TMEM131: variants seen among roughly 807,000 people sequenced by gnomAD.
TMEM131 encodes the protein transmembrane protein 131, also known as 2610524E03Rik.
A neutral mutation model predicts 211.6 loss-of-function variants in TMEM131; 66 were observed. The observed-to-expected ratio is 0.31, with a 90% confidence interval of 0.26 to 0.38. TMEM131 has a LOEUF of 0.38. Among genes scored for constraint, TMEM131 ranks in the 10% least tolerant of loss-of-function variants. The pLI is 1.00. For synonymous variants in TMEM131, 844 were observed against 841.3 expected, an observed-to-expected ratio of 1.00 and a Z score of -0.06; for missense variants, 2,036 against 2,299.3, an observed-to-expected ratio of 0.89 and a Z score of 2.34.
At chr2:97,976,520 T>C (rs1679543261) in intron 1 of TMEM131, among the ~76,000 whole-genome samples, 1 of 152,166 alleles carries the variant, frequency 6.6e-6, no homozygotes, top group Admixed American at 6.5e-5. Context: ...CCTAAATAAA[T>C]GGTGAAAATA....
chr2:97,932,240 A>G (rs1677256151), intron 1 of TMEM131, among the ~76,000 whole-genome samples: 1 of 152,150 alleles, frequency 6.6e-6, no homozygotes, highest in Admixed American at 6.5e-5. Flanking sequence ...ATTTTGTTTC[A>G]ACAAAGGGCT....
chr2:97,885,455 T>C (rs1250620248), intron 4 of TMEM131, among the ~76,000 whole-genome samples: 1 of 147,924 alleles, frequency 6.8e-6, no homozygotes, highest in Non-Finnish European at 1.5e-5. Flanking sequence ...CCCAAAGTGC[T>C]GGGATTACAG....
chr2:97,979,342 T>C (rs570258045), intron 1 of TMEM131, among the ~76,000 whole-genome samples: 1 of 152,330 alleles, frequency 6.6e-6, no homozygotes, highest in East Asian at 1.9e-4. Context: ...CTTCGAAGCT[T>C]TGACGCTAGG....
intron 31 of TMEM131, among the ~76,000 whole-genome samples, chr2:97,786,715 G>A (rs1407218545): frequency 6.6e-6 from 1 of 152,192 alleles, no homozygotes; most frequent in Non-Finnish European, 1.5e-5. Flanking sequence ...GTGACTGAGT[G>A]TTCATCTGAG....
intron 31 of TMEM131, among the ~76,000 whole-genome samples, chr2:97,789,256 T>G (rs1680390663): frequency 6.6e-6 from 1 of 152,258 alleles, no homozygotes; most frequent in Admixed American, 6.5e-5. Context: ...ATGCTGTCTG[T>G]CATGCTATCT....
intron 1 of TMEM131, among the ~76,000 whole-genome samples, chr2:97,931,412 A>G (rs941638147): frequency 1.3e-5 from 2 of 152,212 alleles, no homozygotes; most frequent in Non-Finnish European, 2.9e-5. Context: ...TATTTCATTT[A>G]GTTAAGATTA....
At position 97,995,465 on chromosome 2, in the gene TMEM131, G is replaced by C; in HGVS notation, c.187+11C>G. On this transcript the variant is annotated intron_variant, in intron 1 of 40. Coordinates refer to ENST00000186436, the MANE Select transcript of TMEM131 (RefSeq NM_015348.2). ...AGCCCCGCCGCAGGGACGCCGCCGGGGGACACCCACCTTCCTTCTCGGCCC... is the reference window on the plus strand; with the variant it reads ...AGCCCCGCCGCAGGGACGCCGCCGGCGGACACCCACCTTCCTTCTCGGCCC... 2 of 1,388,506 alleles carry C rather than the reference G, an allele frequency of 1.4e-6. No individual in the cohort carries two copies. Among genetic ancestry groups the C allele is most frequent in the Non-Finnish European group, 1.9e-6 (2 of 1,066,174 alleles). 86.0% of individuals were successfully genotyped at this position (1,388,506 alleles called of 1,614,324 possible).
intron 31 of TMEM131, among the ~76,000 whole-genome samples, chr2:97,781,347 C>CG (rs945376013): frequency 6.6e-6 from 1 of 152,224 alleles, no homozygotes; most frequent in African/African-American, 2.4e-5. Context: ...GACTCACTAA[C>CG]CCAAGTCCAA....
intron 1 of TMEM131, among the ~76,000 whole-genome samples, chr2:97,951,181 A>C (rs540753809): frequency 6.6e-6 from 1 of 152,344 alleles, no homozygotes; most frequent in Non-Finnish European, 1.5e-5. Flanking sequence ...GATTTAAGGA[A>C]GTTAGAAAAA....
intron 1 of TMEM131, among the ~76,000 whole-genome samples, chr2:97,936,970 C>T (rs1293705028): frequency 6.6e-6 from 1 of 151,970 alleles, no homozygotes; most frequent in East Asian, 1.9e-4. Context: ...ATTAAAATAA[C>T]CAAATAGAAA....
intron 1 of TMEM131, among the ~76,000 whole-genome samples, chr2:97,979,618 C>G: frequency 6.6e-6 from 1 of 151,292 alleles, no homozygotes; most frequent in African/African-American, 2.4e-5. Flanking sequence ...TTCTTCCCCT[C>G]TCTCAGTCTT....
At chr2:97,920,290 A>G (rs1676685983) in intron 2 of TMEM131, among the ~76,000 whole-genome samples, 1 of 152,146 alleles carries the variant, frequency 6.6e-6, no homozygotes, top group African/African-American at 2.4e-5. Flanking sequence ...GATAAAGGCT[A>G]TCTTGGGTGG....
chr2:97,826,014 T>C (rs950755417), intron 11 of TMEM131, among the ~76,000 whole-genome samples: 3 of 152,244 alleles, frequency 2.0e-5, no homozygotes, highest in Non-Finnish European at 4.4e-5. Context: ...GCCATTTTTC[T>C]CCCAGAGGAT....
chr2:97,883,457 G>A (rs1397034822), intron 4 of TMEM131, among the ~76,000 whole-genome samples: 3 of 152,036 alleles, frequency 2.0e-5, no homozygotes, highest in Non-Finnish European at 4.4e-5. Context: ...GAGATTTCAG[G>A]TTCTCTATGA....
At chr2:97,770,275 AC>A (rs1266292767) in intron 33 of TMEM131, among the ~76,000 whole-genome samples, 2 of 152,206 alleles carry the variant, frequency 1.3e-5, no homozygotes, top group East Asian at 3.8e-4. Flanking sequence ...TGATTGATGA[AC>A]TAATAAATTC....
intron 4 of TMEM131, among the ~76,000 whole-genome samples, chr2:97,872,582 C>G (rs1052923616): frequency 6.6e-6 from 1 of 152,060 alleles, no homozygotes; most frequent in Non-Finnish European, 1.5e-5. Flanking sequence ...ACAGTGGGTA[C>G]AGCCCACGGA....
rs577719199 is a variant in TMEM131, at chr2:97,979,658, G to A, written c.187+15818C>T. The stretch of plus-strand genomic sequence containing the variant: ...GAACTGAAGAGAAGAGAGGGGCCTT[G>A]CTCTGGATTAAACTCTGACCTAATA... On this transcript the variant is annotated intron_variant, in intron 1 of 40. Coordinates refer to ENST00000186436, the MANE Select transcript of TMEM131 (RefSeq NM_015348.2). 4.3e-3 allele frequency among the ~76,000 whole-genome samples: 652 copies of A among 152,216 alleles called. 6 individuals are homozygous for A. Among genetic ancestry groups the A allele is most frequent in the African/African-American group, 0.015 (624 of 41,496 alleles).
At chr2:97,884,401 T>G (rs141957395) in intron 4 of TMEM131, among the ~76,000 whole-genome samples, 24 of 152,286 alleles carry the variant, frequency 1.6e-4, no homozygotes, top group Non-Finnish European at 3.2e-4. Context: ...TCTGCAGCTT[T>G]TTGGTGAAAT....
chr2:97,907,557 G>A (rs1033960823), intron 3 of TMEM131, among the ~76,000 whole-genome samples: 1 of 152,180 alleles, frequency 6.6e-6, no homozygotes, highest in Non-Finnish European at 1.5e-5. Flanking sequence ...TGCTACATCA[G>A]AATGGAAACT....
Sources: allele counts gnomAD v4.1 joint callset (sites outside exome capture counted in the v4.1 genomes callset), GRCh38; gene constraint gnomAD v4.1.1; transcripts MANE v1.5; gene names NCBI Gene and HGNC (gene_info 2026-07-23, HGNC 2026-07-21).